Variants in ZNF69 observed in about 807,000 individuals in gnomAD.
ZNF69 encodes zinc finger protein 69, also known as ZNF3.
A neutral mutation model predicts 50.9 loss-of-function variants in ZNF69; 47 were observed. The ratio of observed to expected loss-of-function variants is 0.92; its 90% confidence interval spans 0.73 to 1.18. The LOEUF is 1.18. Ranked by LOEUF, ZNF69 falls within the 50% of genes most tolerant of loss-of-function variation. The probability of loss-of-function intolerance (pLI) is 0.00; values close to 1 mark genes in which losing one functional copy is unlikely to be tolerated. For missense variants in ZNF69, 717 were observed against 675.1 expected, an observed-to-expected ratio of 1.06 and a Z score of -0.69; for synonymous variants, 216 against 223.1, an observed-to-expected ratio of 0.97 and a Z score of 0.29.
downstream of ZNF69, among the ~76,000 whole-genome samples, chr19:11,919,043 CCGCCACCACGCCCGGCTAATTTTTTGTAT>C: frequency 6.6e-6 from 1 of 152,000 alleles, no homozygotes; most frequent in Non-Finnish European, 1.5e-5. Context: ...CTACAGGCGC[CCGCCACCACGCCCGGCTAATTTTTTGTAT>C]TTTTAGTAGA....
chr19:11,961,531 G>A, the ZNF69 span: 1 of 152,196 alleles, frequency 6.6e-6, no homozygotes. Flanking sequence ...TTTTCCTCTT[G>A]GACCCATTGT....
At chr19:11,934,556 C>T in the ZNF69 span, among the ~76,000 whole-genome samples, 3 of 147,262 alleles carry the variant, frequency 2.0e-5, no homozygotes, top group South Asian at 2.1e-4. Flanking sequence ...GATGCAGTTT[C>T]GCTTTTGTTT....
downstream of ZNF69, among the ~76,000 whole-genome samples, chr19:11,919,302 G>A (rs1568285901): frequency 6.6e-6 from 1 of 151,938 alleles, no homozygotes; most frequent in Non-Finnish European, 1.5e-5. Context: ...CAGCTACCTC[G>A]ATGTCCCTTC....
chr19:11,890,059 T>C (rs1208841906), intron 1 of ZNF69, among the ~76,000 whole-genome samples: 1 of 152,190 alleles, frequency 6.6e-6, no homozygotes, highest in African/African-American at 2.4e-5. Flanking sequence ...TATTTCAGAA[T>C]AGAATGAATG....
the ZNF69 span, among the ~76,000 whole-genome samples, chr19:11,973,352 C>T: frequency 6.6e-6 from 1 of 152,244 alleles, no homozygotes. Context: ...GAAGGTCTCT[C>T]GATACCTTTG....
At chr19:11,970,322 C>G in the ZNF69 span, among the ~76,000 whole-genome samples, 1 of 152,200 alleles carries the variant, frequency 6.6e-6, no homozygotes, top group Non-Finnish European at 1.5e-5. Flanking sequence ...CAGAATGCAG[C>G]TGAGTAAGTC....
chr19:11,947,182 A>G, the ZNF69 span: 1 of 1,613,560 alleles, frequency 6.2e-7, no homozygotes. Context: ...ATGTTTCAGG[A>G]CCCAGTGGCC....
the ZNF69 span, among the ~76,000 whole-genome samples, chr19:11,974,081 C>CT: frequency 0.031 from 2,371 of 75,862 alleles, 82 homozygotes; most frequent in African/African-American, 0.12. Flanking sequence ...TTCTTTCTTT[C>CT]TTTCTTTCTT....
intron 1 of ZNF69, among the ~76,000 whole-genome samples, chr19:11,900,887 T>A (rs1189443964): frequency 6.6e-6 from 1 of 152,220 alleles, no homozygotes; most frequent in African/African-American, 2.4e-5. Flanking sequence ...GTGTGAAACC[T>A]TATTGCCAAA....
chr19:11,949,467 A>G, the ZNF69 span: 29 of 1,613,080 alleles, frequency 1.8e-5, no homozygotes, highest in Non-Finnish European at 2.4e-5. Flanking sequence ...AATGTGGGAA[A>G]GCCTTCAGAT....
intron 1 of ZNF69, among the ~76,000 whole-genome samples, chr19:11,898,385 CTTTTTTT>C (rs745487579): frequency 1.1e-5 from 1 of 91,872 alleles, no homozygotes; most frequent in African/African-American, 4.6e-5. Context: ...TTCCTCCTGG[CTTTTTTT>C]TTTTTTTTTT....
the ZNF69 span, chr19:11,947,393 G>C: frequency 6.2e-7 from 1 of 1,606,464 alleles, no homozygotes; most frequent in African/African-American, 1.3e-5. Flanking sequence ...TTTGAACATA[G>C]ACAGGAAATA....
chr19:11,975,554 C>T, the ZNF69 span, among the ~76,000 whole-genome samples: 3 of 152,052 alleles, frequency 2.0e-5, no homozygotes, highest in African/African-American at 4.8e-5. Flanking sequence ...CCCGCCACCG[C>T]GTCCAGCCAA....
At chr19:11,922,346 G>C in the ZNF69 span, among the ~76,000 whole-genome samples, 1,920 of 152,296 alleles carry the variant, frequency 0.013, 23 homozygotes, top group South Asian at 0.024. Context: ...GTAAGACAGC[G>C]TATAAAAACC....
intron 1 of ZNF69, among the ~76,000 whole-genome samples, chr19:11,900,701 T>A (rs905680011): frequency 6.6e-6 from 1 of 152,136 alleles, no homozygotes; most frequent in Non-Finnish European, 1.5e-5. Flanking sequence ...ATTTTAGGAG[T>A]TCTTTATACC....
downstream of ZNF69, among the ~76,000 whole-genome samples, chr19:11,915,264 C>T (rs577561866): frequency 6.6e-6 from 1 of 152,176 alleles, no homozygotes; most frequent in East Asian, 1.9e-4. Context: ...CATCCTTCTC[C>T]CTTGAAGGCC....
At chr19:11,949,020 A>T in the ZNF69 span, 1 of 1,606,240 alleles carries the variant, frequency 6.2e-7, no homozygotes. Context: ...CTGGGAAAAA[A>T]CCGTATGAAT....
chr19:11,908,409 C>T (rs1972410260), downstream of ZNF69, among the ~76,000 whole-genome samples: 1 of 152,144 alleles, frequency 6.6e-6, no homozygotes, highest in South Asian at 2.1e-4. Flanking sequence ...CAAAATTGAC[C>T]ACATAGTTGG....
chr19:11,938,235 A>AT, the ZNF69 span, among the ~76,000 whole-genome samples: 11 of 151,438 alleles, frequency 7.3e-5, no homozygotes, highest in African/African-American at 1.2e-4. Flanking sequence ...CACCTGGCTG[A>AT]TTTTTTTTTA....
Sources: gnomAD v4.1 joint callset for allele counts (sites outside exome capture counted in the v4.1 genomes callset) on GRCh38, gnomAD v4.1.1 for gene constraint, MANE v1.5 for transcripts, NCBI Gene and HGNC (gene_info 2026-07-23, HGNC 2026-07-21) for gene names.